The following FOCAD variants were observed in gnomAD, a reference collection of about 807,000 sequenced individuals.
FOCAD encodes KIAA1797.
FOCAD carries 198 observed loss-of-function variants against 225.6 expected under a neutral mutation model. The observed-to-expected ratio is 0.88, with a 90% CI of 0.78 to 0.99. The LOEUF (loss-of-function observed/expected upper bound fraction) is 0.99. Ranked by LOEUF, FOCAD falls within the 50% of genes least tolerant of loss-of-function variation. The probability of loss-of-function intolerance (pLI) is 0.00; values close to 1 mark genes in which losing one functional copy is unlikely to be tolerated. For missense variants in FOCAD, 2,713 were observed against 2,123.6 expected, an observed-to-expected ratio of 1.28 and a Z score of -5.46; for synonymous variants, 897 against 755.0, an observed-to-expected ratio of 1.19 and a Z score of -3.08.
chr9:20,705,674 A>T (rs535570373), intron 1 of FOCAD, among the ~76,000 whole-genome samples: 1 of 152,056 alleles, frequency 6.6e-6, no homozygotes, highest in South Asian at 2.1e-4. Flanking sequence ...GTACTGGGCA[A>T]TATATGTAAT....
rs1419292221 is a variant in FOCAD at position 20,705,956 on chromosome 9, A to G, written c.-32-9366A>G. Among the ~76,000 whole-genome samples the G allele has an allele frequency of 5.4e-5, 7 of 129,682 alleles. No homozygotes were observed. The East Asian group carries it at 1.3e-3, about 24-fold the overall frequency. The allele number at this position is 129,682 out of a possible 152,430, so 85.1% of individuals were successfully genotyped here. A position where few individuals can be genotyped will look rare whatever the true frequency, so the allele number is the denominator to read the frequency against. The stretch of plus-strand genomic sequence containing the variant: ...TTTTTTTTTTTTTTTTTTTTTTTAA[A>G]CAGTGGCTGGTTCTGTCACCCAGGC... On this transcript the variant is annotated intron_variant, in intron 1 of 43. Transcript: ENST00000338382.
intron 21 of FOCAD, among the ~76,000 whole-genome samples, chr9:20,890,545 A>G (rs1831526943): frequency 6.6e-6 from 1 of 151,938 alleles, no homozygotes; most frequent in African/African-American, 2.4e-5. Flanking sequence ...ATCATAGCCT[A>G]TTTATATATT....
chr9:20,865,856 A>G lies in FOCAD; in HGVS notation c.2056-70A>G, dbSNP rs1739901441. On this transcript the variant is annotated intron_variant, in intron 16 of 43. Transcript: ENST00000338382. ...AGTGACTTAATTTTCATTATTTGCT[A>G]CTTTGGATTATTTAGTCTCAGTTTT... 2.8e-6 allele frequency: 3 copies of G among 1,089,018 alleles called. No individual in the cohort carries two copies. In the South Asian group the frequency reaches 4.3e-5, roughly 16 times the overall value. 67.5% of individuals were successfully genotyped at this position (1,089,018 alleles called of 1,614,324 possible).
At chr9:20,959,365 C>G (rs567251989) in intron 35 of FOCAD, among the ~76,000 whole-genome samples, 2 of 151,310 alleles carry the variant, frequency 1.3e-5, no homozygotes, top group African/African-American at 2.4e-5. Flanking sequence ...CTGTTAATTT[C>G]CCCATCTTAA....
At chr9:20,692,082 A>G (rs764816537) in intron 1 of FOCAD, among the ~76,000 whole-genome samples, 8 of 152,138 alleles carry the variant, frequency 5.3e-5, no homozygotes, top group African/African-American at 1.2e-4. Context: ...GTAATACCCT[A>G]CTAGCTTCCA....
chr9:20,692,986 C>T (rs1450504735), intron 1 of FOCAD, among the ~76,000 whole-genome samples: 2 of 152,192 alleles, frequency 1.3e-5, no homozygotes, highest in African/African-American at 2.4e-5. Context: ...TTTCCCCTTA[C>T]AGTATTGTCA....
intron 34 of FOCAD, among the ~76,000 whole-genome samples, chr9:20,952,729 T>A (rs1236586551): frequency 6.6e-6 from 1 of 152,090 alleles, no homozygotes; most frequent in African/African-American, 2.4e-5. Flanking sequence ...CAAGTGTTCA[T>A]CCTCCGTAAT....
chr9:20,955,706 A>T (rs992136286), intron 35 of FOCAD, among the ~76,000 whole-genome samples: 38 of 152,000 alleles, frequency 2.5e-4, no homozygotes, highest in African/African-American at 9.2e-4. Flanking sequence ...TAACATGGAT[A>T]TTTTTTCCCC....
chr9:20,753,158 T>C (rs1368112853), intron 5 of FOCAD, among the ~76,000 whole-genome samples: 1 of 152,142 alleles, frequency 6.6e-6, no homozygotes, highest in African/African-American at 2.4e-5. Flanking sequence ...TATTTCCTCC[T>C]CCTGCCTAAT....
intron 15 of FOCAD, among the ~76,000 whole-genome samples, chr9:20,861,439 G>T (rs1466176309): frequency 6.6e-6 from 1 of 152,100 alleles, no homozygotes; most frequent in Non-Finnish European, 1.5e-5. Flanking sequence ...CTACAATACT[G>T]CCCTTAGGAA....
intron 1 of FOCAD, among the ~76,000 whole-genome samples, chr9:20,709,561 G>A (rs1310635132): frequency 6.8e-6 from 1 of 148,134 alleles, no homozygotes; most frequent in Non-Finnish European, 1.5e-5. Flanking sequence ...CAATGCTAAA[G>A]TGACCATGTG....
intron 35 of FOCAD, among the ~76,000 whole-genome samples, chr9:20,976,146 G>C (rs1227058166): frequency 6.6e-6 from 1 of 152,100 alleles, no homozygotes; most frequent in African/African-American, 2.4e-5. Context: ...TTGCACATAT[G>C]TATGGAAATA....
chr9:20,794,066 C>T (rs1820815315), intron 11 of FOCAD, among the ~76,000 whole-genome samples: 1 of 152,106 alleles, frequency 6.6e-6, no homozygotes, highest in Non-Finnish European at 1.5e-5. Context: ...TTATTTATGT[C>T]TCTTGAATTA....
At chr9:20,805,776 A>G (rs1006952056) in intron 11 of FOCAD, among the ~76,000 whole-genome samples, 20 of 152,200 alleles carry the variant, frequency 1.3e-4, no homozygotes, top group African/African-American at 4.8e-4. Context: ...GAATAGGGGA[A>G]AGGGGATACG....
chr9:20,674,494 A>G (rs975206393), intron 2 of FOCAD, among the ~76,000 whole-genome samples: 20 of 152,310 alleles, frequency 1.3e-4, no homozygotes, highest in Middle Eastern at 3.4e-3. Flanking sequence ...TATTATAAAG[A>G]TGTTCCAAAG....
intron 21 of FOCAD, among the ~76,000 whole-genome samples, chr9:20,889,407 G>A (rs7868100): frequency 0.8 from 122,390 of 152,140 alleles, 49,526 homozygotes; most frequent in Admixed American, 0.87. Context: ...GTGTTTTCTT[G>A]TAGAAGTTTT....
intron 15 of FOCAD, among the ~76,000 whole-genome samples, chr9:20,840,644 T>G (rs999010942): frequency 2.0e-5 from 3 of 151,748 alleles, no homozygotes; most frequent in Non-Finnish European, 4.4e-5. Flanking sequence ...GTCTTTAGGT[T>G]TTTTTCCAAT....
At chr9:20,759,240 G>A (rs1180350645) in intron 6 of FOCAD, among the ~76,000 whole-genome samples, 3 of 152,156 alleles carry the variant, frequency 2.0e-5, no homozygotes, top group Non-Finnish European at 4.4e-5. Flanking sequence ...CCAAAAAAGA[G>A]CCCGCATTGC....
At chr9:20,665,805 C>G (rs1386285617) in intron 2 of FOCAD, among the ~76,000 whole-genome samples, 1 of 151,890 alleles carries the variant, frequency 6.6e-6, no homozygotes, top group East Asian at 1.9e-4. Flanking sequence ...GCAAGACAGG[C>G]GGATTGCCTG....
Sources: allele counts gnomAD v4.1 joint callset (sites outside exome capture counted in the v4.1 genomes callset), GRCh38; gene constraint gnomAD v4.1.1; transcripts MANE v1.5; gene names NCBI Gene and HGNC (gene_info 2026-07-23, HGNC 2026-07-21).